Variants in KTN1 observed in about 807,000 individuals in gnomAD.
KTN1 encodes the protein kinectin.
A neutral mutation model predicts 222.5 loss-of-function variants in KTN1; 130 were observed. The observed-to-expected ratio is 0.58, with a 90% CI of 0.51 to 0.68. The LOEUF is 0.68. Among genes scored for constraint, KTN1 ranks in the 30% least tolerant of loss-of-function variants. The pLI is 0.00. For missense variants in KTN1, 1,508 were observed against 1,500.4 expected, an observed-to-expected ratio of 1.01 and a Z score of -0.08; for synonymous variants, 512 against 496.3, an observed-to-expected ratio of 1.03 and a Z score of -0.42.
rs758234992 is a variant in KTN1 at position 55,612,273 on chromosome 14, C to T, written c.225C>T (p.Ser75=). Residue 75 remains serine, a synonymous_variant, in exon 2 of 44, where the codon TCC becomes TCT. Transcript: ENST00000395314. ...TCCAGAATGGAAACCTCCATGAATCCGACTCTGAGAGTGTACCTCGAGACT... is the reference window on the plus strand; with the variant it reads ...TCCAGAATGGAAACCTCCATGAATCTGACTCTGAGAGTGTACCTCGAGACT... ...KEIQNGNLHE[S]DSESVPRDFK... is the part of the protein sequence containing the mutation. 7.1e-5 allele frequency: 113 copies of T among 1,601,244 alleles called. No individual in the cohort carries two copies. Among genetic ancestry groups the T allele is most frequent in the Non-Finnish European group, 9.2e-5 (108 of 1,176,932 alleles).
intron 1 of KTN1, among the ~76,000 whole-genome samples, chr14:55,595,969 A>G (rs1339805393): frequency 2.0e-5 from 3 of 152,098 alleles, no homozygotes; most frequent in African/African-American, 7.2e-5. Context: ...CCTGGCTAAC[A>G]TGGTGAAACC....
chr14:55,602,506 G>GTTT (rs2036124737), intron 1 of KTN1, among the ~76,000 whole-genome samples: 1 of 151,934 alleles, frequency 6.6e-6, no homozygotes, highest in African/African-American at 2.4e-5. Flanking sequence ...TTCAGTGGAA[G>GTTT]ATTAAAGTGA....
Position 55,637,342 on chromosome 14 carries a change from A to T in KTN1, c.1694A>T (p.Glu565Val), listed in dbSNP as rs776649207. The T allele has an allele frequency of 2.5e-6, 4 of 1,581,590 alleles. No homozygotes were observed. In the Admixed American group the frequency reaches 5.6e-5, roughly 22 times the overall value. Residue 565 changes from glutamate (E) to valine (V), a missense_variant, in exon 11 of 44, where the codon GAG (glutamate) becomes GTG (valine). Transcript: ENST00000395314. ...GAGCAGAAAAGGGTGAACAAAGAAG[A>T]GTCTCTACAAATGCAGGTTCAGGTA... Reference protein sequence around the residue: ...ESEQKRVNKEESLQMQVQDIL... With the variant: ...ESEQKRVNKEVSLQMQVQDIL...
At position 55,671,550 on chromosome 14, in the gene KTN1, A is replaced by T. The variant is rs751019094; in HGVS notation, c.3349-16A>T. On this transcript the variant is annotated splice_polypyrimidine_tract_variant and intron_variant, in intron 35 of 43. Transcript: ENST00000395314. ...TGGTAGAATTATGGAGTTTTTCTTTATTTCGTTCTTTGCAGGTTCTAGAGC... is the reference window on the plus strand; with the variant it reads ...TGGTAGAATTATGGAGTTTTTCTTTTTTTCGTTCTTTGCAGGTTCTAGAGC... The T allele has an allele frequency of 5.0e-6, 8 of 1,591,632 alleles. No homozygotes were observed. The highest frequency in any genetic ancestry group is 6.0e-6 in the Non-Finnish European group (7 of 1,167,106).
chr14:55,658,359 C>T (rs1036216781), intron 29 of KTN1, among the ~76,000 whole-genome samples, 187 bp from the exon 30 acceptor site: 7 of 152,084 alleles, frequency 4.6e-5, no homozygotes, highest in East Asian at 1.9e-4. Context: ...ATGCAAACTC[C>T]GCAGCTAGTA....
chr14:55,643,824 A>G (rs1434241754), intron 18 of KTN1, among the ~76,000 whole-genome samples: 2 of 152,108 alleles, frequency 1.3e-5, no homozygotes, highest in Admixed American at 6.6e-5. Context: ...TATTATTGCT[A>G]TCTTATTAAG....
chr14:55,661,784 T>G (rs2141228697), intron 32 of KTN1, 172 bp downstream of exon 32: 1 of 396,478 alleles, frequency 2.5e-6, no homozygotes, highest in South Asian at 1.0e-4. Flanking sequence ...TGGAGAACAG[T>G]TTTTTTTAAA....
chr14:55,615,892 T>C (rs117382311), intron 2 of KTN1, among the ~76,000 whole-genome samples: 16 of 150,576 alleles, frequency 1.1e-4, no homozygotes, highest in African/African-American at 3.2e-4. Flanking sequence ...CTTTCTCTCT[T>C]TCTCTCTCTC....
At chr14:55,591,559 G>T (rs1411325622) in intron 1 of KTN1, among the ~76,000 whole-genome samples, 3 of 146,014 alleles carry the variant, frequency 2.1e-5, no homozygotes, top group African/African-American at 5.0e-5. Context: ...TGTATGTCTT[G>T]CATTTCTTTC....
rs151246574 is a variant in KTN1 at position 55,641,172 on chromosome 14, A to G, written c.2067A>G (p.Leu689=). ...AAATAAGATTGCTGGAAGAGCAACT[A>G]CAACATGAAATTTCAAACAAAATGG... is the stretch of plus-strand genomic sequence containing the variant. ...DDKIRLLEEQ[L]QHEISNKMEE... Residue 689 remains leucine (L), a synonymous_variant, in exon 17 of 44, where the codon CTA becomes CTG. Transcript: ENST00000395314. 1.4e-5 allele frequency: 22 copies of G among 1,599,136 alleles called. No homozygotes were observed. The African/African-American group carries it at 2.3e-4, about 17-fold the overall frequency.
At position 55,650,591 on chromosome 14, in the gene KTN1, C is replaced by T; in HGVS notation, c.2519C>T (p.Ala840Val). The T allele has an allele frequency of 6.2e-7, 1 of 1,612,034 alleles. No homozygotes were observed. The highest frequency in any genetic ancestry group is 8.5e-7 in the Non-Finnish European group (1 of 1,178,446). The change falls in exon 24 of 44, where the codon GCT (alanine) becomes GTT (valine). Residue 840 changes from alanine to valine, a missense_variant. Ala to Val is a moderately conservative substitution (Grantham distance 64). Transcript: ENST00000395314. ...TVQDLKQEIK[A>V]LKEEIGNVQL... ...AAGGATTTGAAACAGGAAATAAAGG[C>T]TCTAAAAGAAGAAATAGGAAATGTC...
chr14:55,667,015 T>G (rs138828647), intron 33 of KTN1, among the ~76,000 whole-genome samples: 3,270 of 152,174 alleles, frequency 0.021, 55 homozygotes, highest in Middle Eastern at 0.041. Flanking sequence ...CAGATATTGC[T>G]AAGGCATTAT....
In KTN1 at chr14:55,600,446, C is replaced by G. The variant is rs183864066; in HGVS notation, c.-30-11573C>G. Reference sequence around the variant, plus strand: ...TATGGTTAGGGTAGAGCTAGGACCACTGGGAGAAGTTATAGGATGATGTGA... The same window carrying G: ...TATGGTTAGGGTAGAGCTAGGACCAGTGGGAGAAGTTATAGGATGATGTGA... On this transcript the variant is annotated intron_variant, in intron 1 of 43. Coordinates refer to ENST00000395314, the MANE Select transcript of KTN1 (RefSeq NM_001079521.2). 1.1e-4 allele frequency among the ~76,000 whole-genome samples: 17 copies of G among 152,162 alleles called. No homozygotes were observed. The East Asian group carries it at 3.1e-3, about 28-fold the overall frequency.
chr14:55,668,203 A>T (rs549086981), intron 34 of KTN1: 5 of 152,080 alleles, frequency 3.3e-5, no homozygotes, highest in Non-Finnish European at 5.9e-5. Flanking sequence ...GCATTTCTCC[A>T]GTTGTCATAA....
intron 1 of KTN1, among the ~76,000 whole-genome samples, chr14:55,587,066 G>T (rs1447740085): frequency 6.6e-6 from 1 of 151,846 alleles, no homozygotes; most frequent in Admixed American, 6.6e-5. Flanking sequence ...CTTGGTATCT[G>T]CCTCACCTAC....
intron 29 of KTN1, among the ~76,000 whole-genome samples, chr14:55,656,857 T>C (rs2043537944): frequency 1.3e-5 from 2 of 152,224 alleles, no homozygotes; most frequent in African/African-American, 4.8e-5. Flanking sequence ...GTGAATATCC[T>C]TGCACATGTT....
intron 33 of KTN1, among the ~76,000 whole-genome samples, chr14:55,665,903 T>A (rs1212261392): frequency 6.6e-6 from 1 of 152,040 alleles, no homozygotes; most frequent in African/African-American, 2.4e-5. Flanking sequence ...TTAGATACTT[T>A]GTTCTTTTAG....
At position 55,672,643 on chromosome 14, in the gene KTN1, T is replaced by G. The variant is rs768129128; in HGVS notation, c.3545T>G (p.Phe1182Cys). 6.2e-7 allele frequency: 1 copy of G among 1,604,586 alleles called. No homozygotes were observed. The highest frequency in any genetic ancestry group is 2.2e-5 in the East Asian group (1 of 44,720). Residue 1182 changes from phenylalanine (F) to cysteine (C), a missense_variant, in exon 38 of 44, where the codon TTT (phenylalanine) becomes TGT (cysteine). Transcript: ENST00000395314. ...HKTIKQMQSS[F>C]TSSEQELERL... Reference sequence around the variant, plus strand: ...TTCACATTTCAGATGCAGTCATCATTTACATCTTCAGAACAAGAGCTAGAG... The same window carrying G: ...TTCACATTTCAGATGCAGTCATCATGTACATCTTCAGAACAAGAGCTAGAG...
intron 1 of KTN1, among the ~76,000 whole-genome samples, chr14:55,605,724 A>G (rs1445356354): frequency 6.6e-6 from 1 of 152,214 alleles, no homozygotes; most frequent in East Asian, 1.9e-4. Context: ...TAATCTTAAA[A>G]TAATTTACTT....
Sources: allele counts gnomAD v4.1 joint callset (sites outside exome capture counted in the v4.1 genomes callset), GRCh38; gene constraint gnomAD v4.1.1; transcripts MANE v1.5; gene names NCBI Gene and HGNC (gene_info 2026-07-23, HGNC 2026-07-21).